SPATA6: variants seen among roughly 807,000 people sequenced by gnomAD.
SPATA6 encodes the protein spermatogenesis associated 6.
A neutral mutation model predicts 65.3 loss-of-function variants in SPATA6; 56 were observed. That is an observed-to-expected ratio of 0.86 (90% confidence interval 0.69 to 1.07). SPATA6 has a LOEUF of 1.07. Ranked by LOEUF, SPATA6 falls within the 50% of genes least tolerant of loss-of-function variation. SPATA6 has a pLI of 0.00. For missense variants in SPATA6, 590 were observed against 594.8 expected (o/e 0.99, Z 0.08); for synonymous variants, 199 against 213.2 (o/e 0.93, Z 0.58).
intron 11 of SPATA6, among the ~76,000 whole-genome samples, chr1:48,348,291 A>C (rs1428007069): frequency 3.3e-5 from 5 of 152,018 alleles, no homozygotes; most frequent in South Asian, 2.1e-4. Context: ...ATAATCATTT[A>C]TTTAGAATTC....
chr1:48,364,605 G>A (rs976091776), intron 9 of SPATA6, among the ~76,000 whole-genome samples: 2 of 152,148 alleles, frequency 1.3e-5, no homozygotes, highest in Non-Finnish European at 2.9e-5. Context: ...GTCTTCTTTT[G>A]AGACATGTCT....
At chr1:48,403,918 C>A in intron 5 of SPATA6, 36 bp from the exon 6 acceptor site, 1 of 1,414,242 alleles carries the variant, frequency 7.1e-7, no homozygotes, top group African/African-American at 1.4e-5. Context: ...TACACATTTC[C>A]ATTTAAATAG....
chr1:48,297,538 T>G lies in SPATA6; in HGVS notation c.*1175A>C. On this transcript the variant is annotated 3_prime_UTR_variant, in exon 13 of 13. Coordinates refer to ENST00000371847, the MANE Select transcript of SPATA6 (RefSeq NM_019073.4). ...TTAAAGGAAGTTCATTTTGTTCTTT[T>G]TCAATCATAACTGTAAAATTAATCA... 1 of 152,208 alleles carries G rather than the reference T, an allele frequency of 6.6e-6. No homozygotes were observed. Among genetic ancestry groups the G allele is most frequent in the Non-Finnish European group, 1.5e-5 (1 of 68,038 alleles). The allele number at this position is 152,208 out of a possible 1,614,324, so 9.4% of individuals were successfully genotyped here. A position where few individuals can be genotyped will look rare whatever the true frequency, so the allele number is the denominator to read the frequency against.
chr1:48,288,803 C>T, the SPATA6 span, among the ~76,000 whole-genome samples: 4 of 152,206 alleles, frequency 2.6e-5, no homozygotes, highest in East Asian at 3.8e-4. Flanking sequence ...GGGGGAGGGG[C>T]GCCCACCATT....
chr1:48,265,222 C>T, the SPATA6 span, among the ~76,000 whole-genome samples: 1 of 152,076 alleles, frequency 6.6e-6, no homozygotes, highest in East Asian at 1.9e-4. Context: ...CACTGTAATG[C>T]ATTTGTGAGA....
chr1:48,293,160 G>A (rs547217242), downstream of SPATA6, among the ~76,000 whole-genome samples: 11 of 152,270 alleles, frequency 7.2e-5, no homozygotes, highest in African/African-American at 2.6e-4. Context: ...AGCTATGCCA[G>A]TCTTCCCCGG....
At chr1:48,335,688 T>A (rs1164939445) in intron 11 of SPATA6, among the ~76,000 whole-genome samples, 2 of 152,090 alleles carry the variant, frequency 1.3e-5, no homozygotes, top group Non-Finnish European at 2.9e-5. Flanking sequence ...CTCTGGAAGA[T>A]AACCTAGGCA....
chr1:48,400,447 T>C (rs2147935173), intron 6 of SPATA6, among the ~76,000 whole-genome samples: 1 of 152,138 alleles, frequency 6.6e-6, no homozygotes, highest in Admixed American at 6.6e-5. Context: ...GCCTTAATAG[T>C]TGGATTACAA....
At chr1:48,325,672 C>T (rs1645737509) in intron 11 of SPATA6, 23 of 609,292 alleles carry the variant, frequency 3.8e-5, no homozygotes, top group South Asian at 3.7e-4. Context: ...CCAGTAAGCC[C>T]CTGAGTTAAT....
intron 1 of SPATA6, among the ~76,000 whole-genome samples, chr1:48,466,930 T>C (rs1280565138): frequency 1.3e-5 from 2 of 151,972 alleles, no homozygotes; most frequent in Non-Finnish European, 2.9e-5. Context: ...ACCTCCAATA[T>C]CTTCCATTTT....
intron 9 of SPATA6, among the ~76,000 whole-genome samples, chr1:48,379,710 T>C (rs1648329451): frequency 6.6e-6 from 1 of 152,236 alleles, no homozygotes; most frequent in African/African-American, 2.4e-5. Flanking sequence ...CTCATAATCT[T>C]TGCAGTATTT....
intron 11 of SPATA6, among the ~76,000 whole-genome samples, chr1:48,324,567 G>T: frequency 6.6e-6 from 1 of 152,142 alleles, no homozygotes; most frequent in East Asian, 1.9e-4. Flanking sequence ...GTGATACATC[G>T]TATCAACAGA....
At chr1:48,426,279 G>T (rs1359385592) in intron 3 of SPATA6, among the ~76,000 whole-genome samples, 1 of 152,132 alleles carries the variant, frequency 6.6e-6, no homozygotes, top group Non-Finnish European at 1.5e-5. Flanking sequence ...ATTTGAAAAA[G>T]AGCAGTTGAA....
rs78751986 is a variant in SPATA6, at chr1:48,323,287, A to G, written c.1195-17409T>C. 0.02 allele frequency among the ~76,000 whole-genome samples: 2,983 copies of G among 152,232 alleles called. 120 individuals carry two copies. In the East Asian group the frequency reaches 0.2, roughly 10 times the overall value. On this transcript the variant is annotated intron_variant, in intron 11 of 12. Coordinates refer to ENST00000371847, the MANE Select transcript of SPATA6 (RefSeq NM_019073.4). ...TTTGCAGGGACAGGGATGAAACTGG[A>G]AACCATCATTCTCAGTAAAATAACA...
chr1:48,358,801 G>A (rs1425441367), intron 10 of SPATA6, among the ~76,000 whole-genome samples: 2 of 152,128 alleles, frequency 1.3e-5, no homozygotes, highest in Admixed American at 6.6e-5. Flanking sequence ...CAGGATTAGG[G>A]TCTACAACAT....
intron 3 of SPATA6, among the ~76,000 whole-genome samples, chr1:48,448,741 G>C (rs1051462713): frequency 6.6e-6 from 1 of 152,118 alleles, no homozygotes; most frequent in Non-Finnish European, 1.5e-5. Flanking sequence ...GGAACAACAT[G>C]AATGATTCTG....
At chr1:48,266,875 G>A in the SPATA6 span, among the ~76,000 whole-genome samples, 4 of 152,124 alleles carry the variant, frequency 2.6e-5, no homozygotes, top group African/African-American at 9.7e-5. Flanking sequence ...GCCACTGCTG[G>A]ACCACAAAGG....
intron 9 of SPATA6, among the ~76,000 whole-genome samples, chr1:48,360,124 A>G (rs1363183911): frequency 1.3e-5 from 2 of 152,220 alleles, no homozygotes; most frequent in Non-Finnish European, 2.9e-5. Flanking sequence ...CAGATCAAAC[A>G]GAACTAGATT....
In SPATA6 at chr1:48,297,281, T is replaced by C. The variant is rs1466762476; in HGVS notation, c.*1432A>G. 6.6e-6 allele frequency: 1 copy of C among 152,128 alleles called. No homozygotes were observed. Among genetic ancestry groups the C allele is most frequent in the Non-Finnish European group, 1.5e-5 (1 of 68,016 alleles). The allele number at this position is 152,128 out of a possible 1,614,324, so 9.4% of individuals were successfully genotyped here. A position where few individuals can be genotyped will look rare whatever the true frequency, so the allele number is the denominator to read the frequency against. The stretch of plus-strand genomic sequence containing the variant: ...GGTCCACAGAACATAGTTTGGGGTC[T>C]ACTACATTCTTATCATTTGATAGCT... On this transcript the variant is annotated 3_prime_UTR_variant, in exon 13 of 13. Transcript: ENST00000371847.
Sources: gnomAD v4.1 joint callset for allele counts (sites outside exome capture counted in the v4.1 genomes callset) on GRCh38, gnomAD v4.1.1 for gene constraint, MANE v1.5 for transcripts, NCBI Gene and HGNC (gene_info 2026-07-23, HGNC 2026-07-21) for gene names.